The following TENM1 variants were observed in gnomAD, a reference collection of about 807,000 sequenced individuals.
TENM1 encodes the protein teneurin-1.
In TENM1, 35 loss-of-function variants were observed where a neutral mutation model predicts 174.8. That is an observed-to-expected ratio of 0.20 (90% CI 0.15 to 0.27). The LOEUF (loss-of-function observed/expected upper bound fraction) is 0.27. Among genes scored for constraint, TENM1 ranks in the 10% least tolerant of loss-of-function variants. TENM1 has a pLI of 1.00. For synonymous variants in TENM1, 781 were observed against 798.7 expected (o/e 0.98, Z 0.37); for missense variants, 1,633 against 2,130.1 (o/e 0.77, Z 4.59).
At chrX:124,665,553 C>A (rs1351209080) in intron 6 of TENM1, among the ~76,000 whole-genome samples, 1 of 112,484 alleles carries the variant, frequency 8.9e-6, no homozygotes, top group African/African-American at 3.2e-5. Flanking sequence ...TGTGGTTTTA[C>A]AAACTTTATA....
chrX:124,833,836 G>A (rs1304848825), intron 3 of TENM1, among the ~76,000 whole-genome samples: 7 of 110,539 alleles, frequency 6.3e-5, no homozygotes, highest in Non-Finnish European at 1.3e-4. Context: ...CTCGTATATC[G>A]GACCATCATA....
intron 1 of TENM1, among the ~76,000 whole-genome samples, chrX:124,961,973 G>A (rs1411672158): frequency 8.9e-6 from 1 of 111,736 alleles, no homozygotes; most frequent in Non-Finnish European, 1.9e-5. Flanking sequence ...TTTGAGAGAT[G>A]TAGAGATTAA....
At chrX:124,839,219 T>C (rs10126865) in intron 3 of TENM1, among the ~76,000 whole-genome samples, 4,027 of 111,374 alleles carry the variant, frequency 0.036, 96 homozygotes, top group African/African-American at 0.08. Context: ...ATTTTAGGAG[T>C]AAAAAGAGTT....
chrX:125,074,249 T>C, the TENM1 span, among the ~76,000 whole-genome samples: 2 of 109,467 alleles, frequency 1.8e-5, no homozygotes, highest in Admixed American at 1.9e-4. Flanking sequence ...GGATCACTTT[T>C]ATTTTTCTTT....
intron 18 of TENM1, among the ~76,000 whole-genome samples, chrX:124,505,133 C>T (rs1454915375): frequency 2.7e-5 from 3 of 112,260 alleles, no homozygotes; most frequent in African/African-American, 6.5e-5. Context: ...CAGTCACTGT[C>T]TTGAAGTTTG....
chrX:124,671,322 T>G (rs755730480), intron 6 of TENM1, among the ~76,000 whole-genome samples: 6 of 111,736 alleles, frequency 5.4e-5, no homozygotes, highest in Non-Finnish European at 1.1e-4. Context: ...ATACCCTTTG[T>G]AAAATGTTAT....
intron 23 of TENM1, among the ~76,000 whole-genome samples, chrX:124,425,725 G>A (rs953751539): frequency 7.1e-5 from 8 of 112,077 alleles, no homozygotes; most frequent in African/African-American, 2.6e-4. Context: ...GGAAGCACAT[G>A]TCCAGTTTTG....
rs371085931 is a variant in TENM1 at position 124,481,032 on chromosome X, A to C, written c.3949+700T>G. The stretch of plus-strand genomic sequence containing the variant: ...AGATTTGTTCACTAGATTCTAGGCA[A>C]TTAAATTGAAGGTTGGTCTTTGAAG... On this transcript the variant is annotated intron_variant, in intron 22 of 31. Coordinates refer to ENST00000422452, the Ensembl canonical transcript of TENM1. Among the ~76,000 whole-genome samples the C allele has an allele frequency of 6.9e-4, 77 of 111,940 alleles. 1 individual carries two copies. The highest frequency in any genetic ancestry group is 2.4e-3 in the African/African-American group (73 of 30,875).
At chrX:125,154,191 A>G in the TENM1 span, among the ~76,000 whole-genome samples, 1 of 111,694 alleles carries the variant, frequency 9.0e-6, no homozygotes, top group South Asian at 3.8e-4. Flanking sequence ...CAGCTATGCC[A>G]GCATTTGGAG....
chrX:124,683,857 T>G (rs1315049421), intron 5 of TENM1, among the ~76,000 whole-genome samples: 3 of 111,881 alleles, frequency 2.7e-5, no homozygotes, highest in African/African-American at 9.7e-5. Flanking sequence ...AGTCAAAATT[T>G]TTTCTTAATG....
At chrX:125,068,947 A>C in the TENM1 span, among the ~76,000 whole-genome samples, 1 of 112,322 alleles carries the variant, frequency 8.9e-6, no homozygotes, top group Non-Finnish European at 1.9e-5. Context: ...AGGTAGGCAG[A>C]GCTTTAAATA....
At chrX:124,760,915 A>G (rs1376469034) in intron 3 of TENM1, among the ~76,000 whole-genome samples, 1 of 112,367 alleles carries the variant, frequency 8.9e-6, no homozygotes, top group Non-Finnish European at 1.9e-5. Context: ...AAAAGAAGAC[A>G]TTAATGCAGC....
intron 15 of TENM1, among the ~76,000 whole-genome samples, chrX:124,546,652 C>T (rs370859932): frequency 9.0e-6 from 1 of 111,613 alleles, no homozygotes; most frequent in African/African-American, 3.3e-5. Flanking sequence ...TATATATATA[C>T]ATACACAAAC....
intron 16 of TENM1, among the ~76,000 whole-genome samples, chrX:124,524,663 T>G (rs2047932782): frequency 9.0e-6 from 1 of 111,650 alleles, no homozygotes; most frequent in Non-Finnish European, 1.9e-5. Flanking sequence ...CAACTCCTTC[T>G]CTATCCATGA....
At chrX:124,604,661 C>T (rs192224123) in intron 11 of TENM1, among the ~76,000 whole-genome samples, 13 of 111,105 alleles carry the variant, frequency 1.2e-4, no homozygotes, top group Non-Finnish European at 2.1e-4. Context: ...AGGATGCTAT[C>T]ATCCATCCTA....
exon 32 of TENM1, chrX:124,376,707 G>C (rs1180348629): frequency 4.5e-5 from 5 of 110,794 alleles, no homozygotes; most frequent in Non-Finnish European, 9.5e-5. Context: ...TTTGTTGTTT[G>C]TTTTCTGTAT....
intron 11 of TENM1, among the ~76,000 whole-genome samples, chrX:124,582,116 T>C (rs780351285): frequency 2.7e-5 from 3 of 111,664 alleles, no homozygotes; most frequent in Admixed American, 9.5e-5. Context: ...CTACCACTTA[T>C]GTATAAGAAC....
At chrX:125,143,723 A>G in the TENM1 span, among the ~76,000 whole-genome samples, 1 of 112,147 alleles carries the variant, frequency 8.9e-6, no homozygotes, top group Non-Finnish European at 1.9e-5. Context: ...TTCCCTGAAA[A>G]GAGACCAACA....
the TENM1 span, among the ~76,000 whole-genome samples, chrX:125,053,942 A>T: frequency 8.9e-6 from 1 of 111,890 alleles, no homozygotes; most frequent in Non-Finnish European, 1.9e-5. Context: ...CTATGCCAAA[A>T]CAAAATAAAA....
Sources: gnomAD v4.1 joint callset for allele counts (sites outside exome capture counted in the v4.1 genomes callset) on GRCh38, gnomAD v4.1.1 for gene constraint, MANE v1.5 for transcripts, NCBI Gene and HGNC (gene_info 2026-07-23, HGNC 2026-07-21) for gene names.